Variants in BNC2 observed in about 807,000 individuals in gnomAD.
The protein encoded by BNC2 is zinc finger protein basonuclin-2.
BNC2 carries 20 observed loss-of-function variants against 76.3 expected under a neutral mutation model. That is an observed-to-expected ratio of 0.26 (90% CI 0.18 to 0.38). The LOEUF (loss-of-function observed/expected upper bound fraction) is 0.38. Among genes scored for constraint, BNC2 ranks in the 10% least tolerant of loss-of-function variants. BNC2 has a pLI of 1.00. For synonymous variants in BNC2, 582 were observed against 514.8 expected (o/e 1.13, Z -1.77); for missense variants, 1,382 against 1,399.8 (o/e 0.99, Z 0.20).
intron 3 of BNC2, among the ~76,000 whole-genome samples, chr9:16,703,406 A>C (rs1823572683): frequency 6.6e-6 from 1 of 152,130 alleles, no homozygotes; most frequent in South Asian, 2.1e-4. Context: ...TACAACTAAA[A>C]AACAAATCAC....
chr9:16,489,789 A>G (rs919979695), intron 5 of BNC2, among the ~76,000 whole-genome samples: 3 of 152,232 alleles, frequency 2.0e-5, no homozygotes, highest in African/African-American at 7.2e-5. Flanking sequence ...CTTACCCTCT[A>G]AAAATTTCAT....
intron 1 of BNC2, among the ~76,000 whole-genome samples, chr9:16,831,289 T>A (rs377386635): frequency 6.6e-6 from 1 of 152,192 alleles, no homozygotes; most frequent in Non-Finnish European, 1.5e-5. Context: ...ATGTGCACAT[T>A]TGCACAATGA....
chr9:16,833,463 G>A (rs918878544), intron 1 of BNC2, among the ~76,000 whole-genome samples: 1 of 151,954 alleles, frequency 6.6e-6, no homozygotes, highest in Non-Finnish European at 1.5e-5. Context: ...GGGAAGCCAA[G>A]AGCTTCGAGG....
At chr9:16,421,201 G>A (rs1820702772) in intron 6 of BNC2, 20 of 1,174,428 alleles carry the variant, frequency 1.7e-5, no homozygotes, top group Non-Finnish European at 2.2e-5. Flanking sequence ...ACAGCACTCT[G>A]GGTTTTAAGG....
intron 1 of BNC2, among the ~76,000 whole-genome samples, chr9:16,749,040 G>C (rs1464631976): frequency 7.7e-6 from 1 of 129,892 alleles, no homozygotes; most frequent in African/African-American, 2.8e-5. Context: ...CAATATATGG[G>C]GGAATGACTA....
intron 3 of BNC2, among the ~76,000 whole-genome samples, chr9:16,593,271 T>C (rs544880745): frequency 1.3e-5 from 2 of 152,036 alleles, no homozygotes; most frequent in Non-Finnish European, 2.9e-5. Flanking sequence ...TGAGTGTAAA[T>C]GTTTCTACAA....
chr9:16,419,791 A>T (rs1820673598), intron 6 of BNC2, 142 bp from the exon 7 acceptor site: 1 of 662,892 alleles, frequency 1.5e-6, no homozygotes, highest in South Asian at 1.7e-5. Context: ...TATAAAAGCA[A>T]GCATTCCCCT....
chr9:16,587,290 T>G (rs1267622443), intron 3 of BNC2, among the ~76,000 whole-genome samples: 1 of 150,956 alleles, frequency 6.6e-6, no homozygotes, highest in Admixed American at 6.6e-5. Flanking sequence ...CATGGCTCAC[T>G]GCAGCCTCAA....
intron 1 of BNC2, among the ~76,000 whole-genome samples, chr9:16,758,288 A>G (rs1329412531): frequency 6.6e-6 from 1 of 151,996 alleles, no homozygotes; most frequent in African/African-American, 2.4e-5. Flanking sequence ...AAAATCCAGG[A>G]ATATCTCCCT....
chr9:16,618,656 T>C (rs1017364587), intron 3 of BNC2, among the ~76,000 whole-genome samples: 2 of 152,154 alleles, frequency 1.3e-5, no homozygotes, highest in African/African-American at 4.8e-5. Flanking sequence ...CAAGGAGTGA[T>C]AACAAGAGGT....
intron 1 of BNC2, among the ~76,000 whole-genome samples, chr9:16,837,593 G>A (rs559598396): frequency 5.3e-5 from 8 of 152,308 alleles, no homozygotes; most frequent in Admixed American, 1.3e-4. Context: ...CCTCGAAGTC[G>A]ATGTCTGGTG....
intron 3 of BNC2, among the ~76,000 whole-genome samples, chr9:16,685,198 G>A (rs751766245): frequency 1.3e-5 from 2 of 152,160 alleles, no homozygotes; most frequent in Non-Finnish European, 2.9e-5. Context: ...TCATCACCTT[G>A]TGTGGTAAAT....
At chr9:16,673,187 CATATCAAAGGGAGAA>C (rs1441097607) in intron 3 of BNC2, among the ~76,000 whole-genome samples, 2 of 152,104 alleles carry the variant, frequency 1.3e-5, no homozygotes, top group Non-Finnish European at 2.9e-5. Context: ...AATTCCTCTG[CATATCAAAGGGAGAA>C]AAACCTTTGT....
chr9:16,637,558 C>G (rs1295439967), intron 3 of BNC2, among the ~76,000 whole-genome samples: 2 of 152,176 alleles, frequency 1.3e-5, no homozygotes, highest in Non-Finnish European at 2.9e-5. Context: ...CTTTATCATG[C>G]TAATTCCAAG....
chr9:16,440,276 C>CG (rs1176963970), intron 5 of BNC2, among the ~76,000 whole-genome samples: 1 of 152,142 alleles, frequency 6.6e-6, no homozygotes, highest in Non-Finnish European at 1.5e-5. Context: ...CCACAGTACT[C>CG]AGTGGCTGTC....
At chr9:16,450,679 C>T (rs761391816) in intron 5 of BNC2, among the ~76,000 whole-genome samples, 4 of 152,202 alleles carry the variant, frequency 2.6e-5, no homozygotes, top group Non-Finnish European at 4.4e-5. Flanking sequence ...CATGCATGTA[C>T]ACCATACAGT....
chr9:16,420,298 G>T (rs986841995), intron 6 of BNC2, among the ~76,000 whole-genome samples: 1 of 151,988 alleles, frequency 6.6e-6, no homozygotes, highest in Non-Finnish European at 1.5e-5. Context: ...TTAACAACAC[G>T]AATGCCTTTT....
At chr9:16,518,155 G>A (rs915449186) in intron 5 of BNC2, among the ~76,000 whole-genome samples, 2 of 152,158 alleles carry the variant, frequency 1.3e-5, no homozygotes, top group Non-Finnish European at 1.5e-5. Context: ...ATGGCTGAAC[G>A]TGGTTGCTCA....
At chr9:16,535,446 T>A (rs928395984) in intron 5 of BNC2, among the ~76,000 whole-genome samples, 2 of 152,144 alleles carry the variant, frequency 1.3e-5, no homozygotes, top group Non-Finnish European at 2.9e-5. Flanking sequence ...ATATACCCAA[T>A]CTTGAAGCCT....
Sources: gnomAD v4.1 joint callset for allele counts (sites outside exome capture counted in the v4.1 genomes callset) on GRCh38, gnomAD v4.1.1 for gene constraint, MANE v1.5 for transcripts, NCBI Gene and HGNC (gene_info 2026-07-23, HGNC 2026-07-21) for gene names.